The following TBC1D22A variants were observed in gnomAD, a reference collection of about 807,000 sequenced individuals.
TBC1D22A encodes putative GTPase activator.
TBC1D22A carries 38 observed loss-of-function variants against 60.2 expected under a neutral mutation model. The ratio of observed to expected loss-of-function variants is 0.63; its 90% confidence interval spans 0.49 to 0.83. TBC1D22A has a LOEUF of 0.83. Among genes scored for constraint, TBC1D22A ranks in the 40% least tolerant of loss-of-function variants. TBC1D22A has a pLI of 0.00. For missense variants in TBC1D22A, 628 were observed against 701.0 expected (o/e 0.90, Z 1.18); for synonymous variants, 302 against 281.7 (o/e 1.07, Z -0.72).
At chr22:46,901,857 A>G (rs2147688564) in intron 7 of TBC1D22A, among the ~76,000 whole-genome samples, 1 of 152,364 alleles carries the variant, frequency 6.6e-6, no homozygotes, top group Middle Eastern at 3.4e-3. Flanking sequence ...TCTCCCAGAA[A>G]TTATCTCCAT....
intron 5 of TBC1D22A, among the ~76,000 whole-genome samples, chr22:46,891,020 C>G (rs60095322): frequency 6.6e-6 from 1 of 152,074 alleles, no homozygotes; most frequent in Non-Finnish European, 1.5e-5. Context: ...GGGCCTGCAC[C>G]GGGAGGCTGC....
Position 47,122,408 on chromosome 22 carries a change from G to A in TBC1D22A, c.1425+10805G>A, listed in dbSNP as rs565268008. On this transcript the variant is annotated intron_variant, in intron 12 of 12. Transcript: ENST00000337137. ...TGTCCCATCACAGAGGAGGGGGTGAGTGTGGTCATTTCTGAGTAACCTGTG... is the reference window on the plus strand; with the variant it reads ...TGTCCCATCACAGAGGAGGGGGTGAATGTGGTCATTTCTGAGTAACCTGTG... Among the ~76,000 whole-genome samples the A allele has an allele frequency of 2.9e-3, 438 of 152,300 alleles. 5 individuals are homozygous for A. Among genetic ancestry groups the A allele is most frequent in the African/African-American group, 0.01 (420 of 41,560 alleles).
At chr22:46,764,937 G>A (rs2083234736) in intron 1 of TBC1D22A, among the ~76,000 whole-genome samples, 1 of 152,222 alleles carries the variant, frequency 6.6e-6, no homozygotes, top group Non-Finnish European at 1.5e-5. Flanking sequence ...TGTCTGTTGT[G>A]TTAAGCCATT....
chr22:46,789,352 C>T (rs1457756133), intron 1 of TBC1D22A: 1 of 456,196 alleles, frequency 2.2e-6, no homozygotes, highest in Non-Finnish European at 4.5e-6. Flanking sequence ...GTCTCGATCT[C>T]CTGACCTCGT....
chr22:46,844,164 T>C (rs75431155), intron 4 of TBC1D22A, among the ~76,000 whole-genome samples: 3,304 of 150,966 alleles, frequency 0.022, 136 homozygotes, highest in African/African-American at 0.077. Flanking sequence ...AAGCACATTC[T>C]TATCAAGCCG....
At chr22:46,982,591 G>C (rs182903774) in intron 9 of TBC1D22A, among the ~76,000 whole-genome samples, 2 of 152,338 alleles carry the variant, frequency 1.3e-5, no homozygotes, top group East Asian at 3.9e-4. Context: ...ATTTCCAGAT[G>C]TGCTGGTCTT....
chr22:47,056,862 A>G (rs1191074344), intron 11 of TBC1D22A, among the ~76,000 whole-genome samples: 3 of 152,220 alleles, frequency 2.0e-5, no homozygotes, highest in Admixed American at 6.5e-5. Context: ...GGGAAGCTGC[A>G]GGGACAGACA....
chr22:46,904,119 CTATCTAT>C (rs2069227951), intron 7 of TBC1D22A, among the ~76,000 whole-genome samples: 1 of 83,054 alleles, frequency 1.2e-5, no homozygotes, highest in African/African-American at 5.0e-5. Flanking sequence ...ATCTATCTAT[CTATCTAT>C]CTATCTATCT....
chr22:46,765,957 A>ATG (rs747869318), intron 1 of TBC1D22A, among the ~76,000 whole-genome samples: 2,714 of 128,594 alleles, frequency 0.021, 37 homozygotes, highest in East Asian at 0.059. Flanking sequence ...CAGCTAATTT[A>ATG]TGTGTGTGTG....
intron 9 of TBC1D22A, among the ~76,000 whole-genome samples, chr22:46,996,071 C>T (rs1275992094): frequency 6.6e-6 from 1 of 152,248 alleles, no homozygotes; most frequent in Non-Finnish European, 1.5e-5. Flanking sequence ...TGCCTGCAGA[C>T]CCCTGCCCCC....
chr22:47,104,326 C>G (rs886628740), intron 11 of TBC1D22A, among the ~76,000 whole-genome samples: 2 of 151,458 alleles, frequency 1.3e-5, no homozygotes, highest in African/African-American at 4.9e-5. Context: ...AAAAGAATCT[C>G]TATTAACATA....
chr22:47,147,573 A>G (rs1206598444), intron 12 of TBC1D22A, among the ~76,000 whole-genome samples: 1 of 152,224 alleles, frequency 6.6e-6, no homozygotes, highest in African/African-American at 2.4e-5. Context: ...GCCTTGGGGC[A>G]TAGGTGCGCC....
At chr22:47,170,661 AC>A (rs2068399291) in intron 12 of TBC1D22A, among the ~76,000 whole-genome samples, 3 of 149,428 alleles carry the variant, frequency 2.0e-5, no homozygotes, top group Non-Finnish European at 3.0e-5. Flanking sequence ...CTGGTGTGTA[AC>A]CCTCCTGATG....
chr22:47,039,003 T>C (rs540577394), intron 11 of TBC1D22A, among the ~76,000 whole-genome samples: 1 of 152,346 alleles, frequency 6.6e-6, no homozygotes, highest in Non-Finnish European at 1.5e-5. Context: ...GTTAGGCTGT[T>C]TGAGACCCAG....
At chr22:47,100,498 C>G (rs936875539) in intron 11 of TBC1D22A, among the ~76,000 whole-genome samples, 1 of 152,104 alleles carries the variant, frequency 6.6e-6, no homozygotes, top group Non-Finnish European at 1.5e-5. Flanking sequence ...CAAATCTCAT[C>G]TTGAACTCCC....
chr22:47,059,250 G>C (rs1458909385), intron 11 of TBC1D22A, among the ~76,000 whole-genome samples: 1 of 152,258 alleles, frequency 6.6e-6, no homozygotes, highest in Non-Finnish European at 1.5e-5. Flanking sequence ...GTCCTACTGG[G>C]CATCTTGAAC....
At chr22:47,038,913 A>G (rs1387924873) in intron 11 of TBC1D22A, among the ~76,000 whole-genome samples, 3 of 152,210 alleles carry the variant, frequency 2.0e-5, no homozygotes, top group Non-Finnish European at 2.9e-5. Flanking sequence ...GTCTAGTGCT[A>G]TTGATCGGCT....
chr22:47,068,327 G>A (rs1276402123), intron 11 of TBC1D22A, among the ~76,000 whole-genome samples: 1 of 152,236 alleles, frequency 6.6e-6, no homozygotes, highest in Non-Finnish European at 1.5e-5. Context: ...CTAGCCATCA[G>A]GAGAGCCAGT....
At chr22:46,926,252 AAAAG>A (rs1402822451) in intron 8 of TBC1D22A, among the ~76,000 whole-genome samples, 2 of 152,234 alleles carry the variant, frequency 1.3e-5, no homozygotes, top group African/African-American at 2.4e-5. Context: ...GAAACTTAGA[AAAAG>A]AAGGGTAAAA....
Sources: allele counts gnomAD v4.1 joint callset (sites outside exome capture counted in the v4.1 genomes callset), GRCh38; gene constraint gnomAD v4.1.1; transcripts MANE v1.5; gene names NCBI Gene and HGNC (gene_info 2026-07-23, HGNC 2026-07-21).